GRM4: variants seen among roughly 807,000 people sequenced by gnomAD.
GRM4 encodes the protein metabotropic glutamate receptor 4.
A neutral mutation model predicts 81.7 loss-of-function variants in GRM4; 28 were observed. That is an observed-to-expected ratio of 0.34 (90% CI 0.25 to 0.47). GRM4 has a LOEUF of 0.47. Among genes scored for constraint, GRM4 ranks in the 20% least tolerant of loss-of-function variants. GRM4 has a pLI of 1.00. For missense variants in GRM4, 948 were observed against 1,290.0 expected (o/e 0.73, Z 4.06); for synonymous variants, 488 against 528.8 (o/e 0.92, Z 1.06).
In GRM4 at chr6:34,036,535, T is replaced by G. The variant is rs922275089; in HGVS notation, c.1575A>C (p.Gln525His). The G allele has an allele frequency of 1.2e-6, 2 of 1,610,874 alleles. No individual in the cohort carries two copies. Among genetic ancestry groups the G allele is most frequent in the African/African-American group, 2.7e-5 (2 of 74,906 alleles). Residue 525 changes from glutamine (Q) to histidine (H), a missense_variant, in exon 9 of 11, where the codon CAA (glutamine) becomes CAC (histidine). By Grantham distance (24) the Gln-to-His change is conservative. Coordinates refer to ENST00000538487, the MANE Select transcript of GRM4 (RefSeq NM_000841.4). This position sits in a 1 kb window ranked among gnomAD's most constrained non-coding sequence, Gnocchi z 9.0. ...TCACTGTCTTCTTCCGCTCACCCGG[T>G]TGGCAGGGCAGGCTGCAGATGGAGC... Reference protein sequence around the residue: ...LPRSICSLPCQPGERKKTVKG... With the variant: ...LPRSICSLPCHPGERKKTVKG...
intron 2 of GRM4, among the ~76,000 whole-genome samples, chr6:34,122,628 G>A (rs909960993): frequency 7.0e-6 from 1 of 142,222 alleles, no homozygotes; most frequent in Non-Finnish European, 1.6e-5. Context: ...GGGTGGGGGG[G>A]GCAGCTAACC....
chr6:34,127,662 G>A (rs1240617289), intron 2 of GRM4, among the ~76,000 whole-genome samples: 1 of 152,176 alleles, frequency 6.6e-6, no homozygotes, highest in Non-Finnish European at 1.5e-5. Context: ...TCTGTAATGG[G>A]CTGGGTAAGA....
chr6:34,029,904 G>T (rs1312840896), intron 9 of GRM4, among the ~76,000 whole-genome samples: 2 of 152,236 alleles, frequency 1.3e-5, no homozygotes, highest in Non-Finnish European at 2.9e-5. Context: ...AGGAGGCCGA[G>T]AGTGGCCACT....
rs114429289 is a variant in GRM4 at position 34,079,078 on chromosome 6, G to A, written c.736+12805C>T. On this transcript the variant is annotated intron_variant, in intron 3 of 10. Coordinates refer to ENST00000538487, the MANE Select transcript of GRM4 (RefSeq NM_000841.4). ...AATTCTTACAATAACCAGCAAAGTC[G>A]GAATACAGTTGTCCCCATACTACAG... Among the ~76,000 whole-genome samples the A allele has an allele frequency of 3.4e-3, 514 of 152,258 alleles. 4 individuals are homozygous for A. The highest frequency in any genetic ancestry group is 8.8e-3 in the Admixed American group (134 of 15,304).
At chr6:34,123,443 G>A (rs1352287159) in intron 2 of GRM4, among the ~76,000 whole-genome samples, 2 of 152,150 alleles carry the variant, frequency 1.3e-5, no homozygotes, top group African/African-American at 4.8e-5. Context: ...CGGGCCCTGT[G>A]TGAGCCCGCC....
rs1216766302 is a variant in GRM4 at position 34,051,737 on chromosome 6, C to A, written c.1168+4807G>T. Among the ~76,000 whole-genome samples the A allele has an allele frequency of 3.3e-5, 5 of 152,162 alleles. No individual in the cohort carries two copies. In the East Asian group the frequency reaches 5.8e-4, roughly 18 times the overall value. ...CCCAGCTCACTGAGGTTGGGGGGAT[C>A]CACAGGCCATCTGCAAGTGCTTCCT... On this transcript the variant is annotated intron_variant, in intron 6 of 10. Coordinates refer to ENST00000538487, the MANE Select transcript of GRM4 (RefSeq NM_000841.4).
In GRM4 at chr6:34,124,927, A is replaced by G. The variant is rs147192989; in HGVS notation, c.519+8051T>C. The stretch of plus-strand genomic sequence containing the variant: ...CCCCATCAGCTCCTACCTGGGCTCC[A>G]GGAGCCTCTCTAGGAGGTCTTCCCA... On this transcript the variant is annotated intron_variant, in intron 2 of 10. Transcript: ENST00000538487. Among the ~76,000 whole-genome samples the G allele has an allele frequency of 2.8e-3, 433 of 152,002 alleles. 4 individuals carry two copies. The highest frequency in any genetic ancestry group is 9.7e-3 in the African/African-American group (402 of 41,480).
At position 34,022,693 on chromosome 6, in the gene GRM4, A is replaced by T; in HGVS notation, c.*128T>A. 1 of 799,722 alleles carries T rather than the reference A, an allele frequency of 1.3e-6. No homozygotes were observed. Among genetic ancestry groups the T allele is most frequent in the Non-Finnish European group, 2.1e-6 (1 of 471,650 alleles). The allele number at this position is 799,722 out of a possible 1,614,324, so 49.5% of individuals were successfully genotyped here. On this transcript the variant is annotated 3_prime_UTR_variant, in exon 11 of 11. Coordinates refer to ENST00000538487, the MANE Select transcript of GRM4 (RefSeq NM_000841.4). The surrounding 1 kb of genome is among the most constrained non-coding windows in gnomAD (Gnocchi z 5.6). ...GATGGCTGGGGGCTCTGCTATCCTC[A>T]GCACCAAGCCACGTCCGTGGGTGCC...
intron 6 of GRM4, among the ~76,000 whole-genome samples, chr6:34,051,101 TGCA>T (rs1311741897): frequency 2.0e-5 from 3 of 152,326 alleles, no homozygotes; most frequent in African/African-American, 7.2e-5. Flanking sequence ...CTCTTCAGGA[TGCA>T]GAGGTGGGAA....
chr6:34,124,169 T>C (rs6941327), intron 2 of GRM4, among the ~76,000 whole-genome samples: 205 of 152,316 alleles, frequency 1.3e-3, no homozygotes, highest in African/African-American at 4.4e-3. Context: ...GCCTTCTCCC[T>C]GATCCCCGGA....
chr6:34,057,249 C>T (rs977661432), intron 5 of GRM4, among the ~76,000 whole-genome samples: 28 of 149,626 alleles, frequency 1.9e-4, no homozygotes, highest in African/African-American at 6.8e-4. Context: ...GGTGGGCAGG[C>T]TGGCGGTGAA....
Position 34,069,167 on chromosome 6 carries a change from T to TACACACACACAC in GRM4, c.737-7151_737-7140dup, listed in dbSNP as rs71000021. On this transcript the variant is annotated intron_variant, in intron 3 of 10. Coordinates refer to ENST00000538487, the MANE Select transcript of GRM4 (RefSeq NM_000841.4). The surrounding 1 kb of genome is among the most constrained non-coding windows in gnomAD (Gnocchi z 6.4). The stretch of plus-strand genomic sequence containing the variant: ...CTACCCCTGGACCCTCATGGGCGTA[T>TACACACACACAC]ACACACACACACACACACACACACA... Among the ~76,000 whole-genome samples the TACACACACACAC allele has an allele frequency of 6.1e-4, 82 of 134,694 alleles. 1 individual carries two copies. The highest frequency in any genetic ancestry group is 2.2e-3 in the East Asian group (9 of 4,176). The allele number at this position is 134,694 out of a possible 152,430, so 88.4% of individuals were successfully genotyped here.
chr6:34,138,683 C>T (rs975699472), intron 1 of GRM4, among the ~76,000 whole-genome samples: 11 of 152,150 alleles, frequency 7.2e-5, no homozygotes, highest in Admixed American at 3.3e-4. Context: ...CTGTGCGACT[C>T]GCAGGCCATG....
At chr6:34,150,948 C>G (rs1771032512), upstream of GRM4, among the ~76,000 whole-genome samples, 1 of 152,156 alleles carries the variant, frequency 6.6e-6, no homozygotes, top group African/African-American at 2.4e-5. Context: ...TGGGTCACCC[C>G]TAAAGCACAG....
intron 2 of GRM4, among the ~76,000 whole-genome samples, chr6:34,099,809 GA>G (rs1768737155): frequency 6.6e-6 from 1 of 152,182 alleles, no homozygotes; most frequent in Non-Finnish European, 1.5e-5. Context: ...TCTTTGGGAG[GA>G]GCAGGATAGG....
intron 2 of GRM4, chr6:34,103,446 C>T: frequency 2.9e-6 from 2 of 694,820 alleles, no homozygotes; most frequent in Non-Finnish European, 5.0e-6. Context: ...TCGATGCAGG[C>T]TCAGAGGCAG....
intron 2 of GRM4, chr6:34,103,892 G>A: frequency 1.5e-6 from 2 of 1,375,918 alleles, no homozygotes; most frequent in African/African-American, 3.0e-5. Context: ...CAGAAGCCTG[G>A]GGAGAGGGGA....
At chr6:34,083,005 A>G (rs1767684532) in intron 3 of GRM4, among the ~76,000 whole-genome samples, 1 of 152,232 alleles carries the variant, frequency 6.6e-6, no homozygotes, top group African/African-American at 2.4e-5. Flanking sequence ...TCAAACCCCA[A>G]AGGAATCTTC....
At chr6:34,024,380 A>T (rs558007191) in intron 10 of GRM4, 1 of 263,028 alleles carries the variant, frequency 3.8e-6, no homozygotes, top group African/African-American at 2.2e-5. Context: ...GAGCCAATGG[A>T]GCAACAAGAT....
Sources: allele counts gnomAD v4.1 joint callset (sites outside exome capture counted in the v4.1 genomes callset), GRCh38; gene constraint gnomAD v4.1.1; non-coding constraint Gnocchi (gnomAD v3.1); transcripts MANE v1.5; gene names NCBI Gene and HGNC (gene_info 2026-07-23, HGNC 2026-07-21).